RBFOX3: variants seen among roughly 807,000 people sequenced by gnomAD.
The protein encoded by RBFOX3 is RNA binding fox-1 homolog 3, also known as RNA binding protein fox-1 homolog 3.
Under a neutral mutation model 48.7 loss-of-function variants are expected in RBFOX3, and 17 were observed. The observed-to-expected ratio is 0.35, with a 90% CI of 0.24 to 0.52. RBFOX3 has a LOEUF of 0.52. Among genes scored for constraint, RBFOX3 ranks in the 20% least tolerant of loss-of-function variants. The pLI, the probability that RBFOX3 is intolerant of heterozygous loss-of-function variation, is 0.94. For synonymous variants in RBFOX3, 212 were observed against 209.5 expected (o/e 1.01, Z -0.10); for missense variants, 382 against 497.5 (o/e 0.77, Z 2.21).
chr17:79,413,678 G>A (rs1186748520), intron 2 of RBFOX3, among the ~76,000 whole-genome samples: 6 of 152,326 alleles, frequency 3.9e-5, no homozygotes, highest in African/African-American at 1.4e-4. Flanking sequence ...ACACCTGGGC[G>A]ATGGGCAGAG....
intron 8 of RBFOX3, among the ~76,000 whole-genome samples, chr17:79,102,902 T>G (rs574733839): frequency 1.3e-5 from 2 of 152,264 alleles, no homozygotes; most frequent in Admixed American, 1.3e-4. Context: ...AGTGTCTGGT[T>G]GGGGACAGCG....
chr17:79,634,629 C>G, the RBFOX3 span, among the ~76,000 whole-genome samples: 5 of 152,102 alleles, frequency 3.3e-5, no homozygotes, highest in East Asian at 1.9e-4. Flanking sequence ...CCTCAGGGAG[C>G]CTTCAGGGTA....
At chr17:79,122,567 G>A (rs761977364) in intron 4 of RBFOX3, among the ~76,000 whole-genome samples, 6 of 152,326 alleles carry the variant, frequency 3.9e-5, no homozygotes, top group Admixed American at 3.3e-4. Context: ...AAATACTGGC[G>A]AGGATGTGGA....
chr17:79,659,442 G>A, the RBFOX3 span, among the ~76,000 whole-genome samples: 2 of 152,120 alleles, frequency 1.3e-5, no homozygotes, highest in African/African-American at 4.8e-5. Flanking sequence ...AAGAACAGCA[G>A]GTGCAAAAGA....
intron 4 of RBFOX3, among the ~76,000 whole-genome samples, chr17:79,122,890 C>T (rs2036139825): frequency 6.6e-6 from 1 of 152,188 alleles, no homozygotes; most frequent in East Asian, 1.9e-4. Flanking sequence ...AAATGAGGGC[C>T]TGTCATTTTC....
intron 1 of RBFOX3, among the ~76,000 whole-genome samples, chr17:79,566,324 C>T (rs976038348): frequency 6.6e-6 from 1 of 152,244 alleles, no homozygotes; most frequent in Non-Finnish European, 1.5e-5. Context: ...GGGGTCTCCA[C>T]TCATCCACTG....
intron 3 of RBFOX3, among the ~76,000 whole-genome samples, chr17:79,289,341 C>T (rs947989383): frequency 6.6e-6 from 1 of 152,200 alleles, no homozygotes; most frequent in Non-Finnish European, 1.5e-5. Context: ...GTTTCTGCCC[C>T]GGCCCTTAGT....
intron 3 of RBFOX3, among the ~76,000 whole-genome samples, chr17:79,270,108 C>T (rs575633308): frequency 6.6e-6 from 1 of 152,334 alleles, no homozygotes; most frequent in East Asian, 1.9e-4. Flanking sequence ...GGCCACCCTC[C>T]TGGTTCTCCT....
chr17:79,534,455 C>T (rs1403684235), intron 1 of RBFOX3, among the ~76,000 whole-genome samples: 1 of 152,238 alleles, frequency 6.6e-6, no homozygotes, highest in African/African-American at 2.4e-5. Flanking sequence ...ACAGGACTCA[C>T]ATCAGCTGTG....
intron 1 of RBFOX3, among the ~76,000 whole-genome samples, chr17:79,505,120 C>T (rs2082906168): frequency 6.6e-6 from 1 of 152,088 alleles, no homozygotes; most frequent in Non-Finnish European, 1.5e-5. Context: ...GAGATGCCAC[C>T]CAGAAGCTGC....
chr17:79,305,231 G>C (rs1333467922), intron 3 of RBFOX3, among the ~76,000 whole-genome samples: 1 of 152,214 alleles, frequency 6.6e-6, no homozygotes, highest in Non-Finnish European at 1.5e-5. Flanking sequence ...GGGGGGGAAA[G>C]GGAGAGGTGG....
chr17:79,620,669 G>A, the RBFOX3 span, among the ~76,000 whole-genome samples: 1 of 134,636 alleles, frequency 7.4e-6, no homozygotes, highest in South Asian at 2.1e-4. Context: ...ACACGCACAT[G>A]CACACACGCA....
rs1182553719 is a variant in RBFOX3, at chr17:79,212,475, G to A, written c.-34+23291C>T. ...TGCTGCAGGGGCCACCCTGTTTTTAGGGGGTCGGGTCTCACCCTGGGCCCC... is the reference window on the plus strand; with the variant it reads ...TGCTGCAGGGGCCACCCTGTTTTTAAGGGGTCGGGTCTCACCCTGGGCCCC... On this transcript the variant is annotated intron_variant, in intron 4 of 14. Transcript: ENST00000693108. The surrounding 1 kb of genome is among the most constrained non-coding windows in gnomAD (Gnocchi z 4.7). 6.0e-4 allele frequency among the ~76,000 whole-genome samples: 92 copies of A among 152,272 alleles called. 1 individual carries two copies. Among genetic ancestry groups the A allele is most frequent in the Non-Finnish European group, 2.9e-5 (2 of 68,002 alleles).
At chr17:79,273,121 G>T (rs2068038964) in intron 3 of RBFOX3, among the ~76,000 whole-genome samples, 3 of 152,126 alleles carry the variant, frequency 2.0e-5, no homozygotes. Flanking sequence ...GGAGTCCCTG[G>T]CGGAATCTAG....
intron 4 of RBFOX3, among the ~76,000 whole-genome samples, chr17:79,208,972 C>T (rs564251150): frequency 2.3e-4 from 35 of 152,284 alleles, no homozygotes; most frequent in African/African-American, 6.5e-4. Flanking sequence ...CCCGCCACCA[C>T]GCCCGGCTAA....
In RBFOX3 at chr17:79,483,359, G is replaced by C. The variant is rs1438345793; in HGVS notation, c.-319-761C>G. Among the ~76,000 whole-genome samples the C allele has an allele frequency of 6.0e-5, 9 of 150,940 alleles. No individual in the cohort carries two copies. The South Asian group carries it at 1.9e-3, about 32-fold the overall frequency. ...TTCCTGGCCATCCCTCCACACAGGC[G>C]CATGCCTCCCCGACCCCACCCCTGC... On this transcript the variant is annotated intron_variant, in intron 1 of 14. Coordinates refer to ENST00000693108, the MANE Select transcript of RBFOX3 (RefSeq NM_001350451.2).
intron 1 of RBFOX3, among the ~76,000 whole-genome samples, chr17:79,544,930 A>C (rs1357247451): frequency 6.6e-6 from 1 of 151,746 alleles, no homozygotes; most frequent in African/African-American, 2.4e-5. Context: ...AAAATAACAT[A>C]AAATAAAAAC....
chr17:79,176,797 G>A (rs1204211693), intron 4 of RBFOX3, among the ~76,000 whole-genome samples: 8 of 152,180 alleles, frequency 5.3e-5, no homozygotes, highest in Admixed American at 5.2e-4. Flanking sequence ...AAATTAGGCA[G>A]GGAGGGAAGA....
intron 1 of RBFOX3, chr17:79,600,067 AG>A (rs2093669712): frequency 6.6e-6 from 1 of 152,220 alleles, no homozygotes. Flanking sequence ...GGACGGCCGC[AG>A]GGCTTGGTGG....
Sources: gnomAD v4.1 joint callset for allele counts (sites outside exome capture counted in the v4.1 genomes callset) on GRCh38, gnomAD v4.1.1 for gene constraint, Gnocchi (gnomAD v3.1) non-coding constraint, MANE v1.5 for transcripts, NCBI Gene and HGNC (gene_info 2026-07-23, HGNC 2026-07-21) for gene names.